The following CCDC102B variants were observed in gnomAD, a reference collection of about 807,000 sequenced individuals.
CCDC102B encodes the protein coiled-coil domain containing 102B, also known as coiled-coil domain-containing protein 102B.
A neutral mutation model predicts 57.4 loss-of-function variants in CCDC102B; 75 were observed. That is an observed-to-expected ratio of 1.31 (90% confidence interval 1.08 to 1.58). The LOEUF (loss-of-function observed/expected upper bound fraction) is 1.58. Ranked by LOEUF, CCDC102B falls within the 40% of genes most tolerant of loss-of-function variation. The probability of loss-of-function intolerance (pLI) is 0.00; values close to 1 mark genes in which losing one functional copy is unlikely to be tolerated. For missense variants in CCDC102B, 636 were observed against 582.6 expected (o/e 1.09, Z -0.94); for synonymous variants, 206 against 201.9 (o/e 1.02, Z -0.17).
chr18:68,966,371 A>G (rs2050166401), intron 6 of CCDC102B, among the ~76,000 whole-genome samples: 1 of 152,060 alleles, frequency 6.6e-6, no homozygotes, highest in African/African-American at 2.4e-5. Flanking sequence ...GGCAAGTTGT[A>G]TGGCACAGTA....
intron 1 of CCDC102B, among the ~76,000 whole-genome samples, chr18:68,813,268 C>T (rs1344819878): frequency 3.3e-5 from 5 of 152,062 alleles, no homozygotes; most frequent in Admixed American, 6.6e-5. Context: ...CATGATTGTA[C>T]GCTTCCTGAG....
intron 4 of CCDC102B, among the ~76,000 whole-genome samples, chr18:68,862,128 C>T (rs2038788589): frequency 1.3e-5 from 2 of 152,118 alleles, no homozygotes; most frequent in Admixed American, 1.3e-4. Flanking sequence ...GAAATATATG[C>T]TAGATAACTT....
chr18:68,878,464 T>C (rs1000351265), intron 5 of CCDC102B, among the ~76,000 whole-genome samples: 2 of 152,180 alleles, frequency 1.3e-5, no homozygotes, highest in African/African-American at 4.8e-5. Flanking sequence ...TGTGTGTGTG[T>C]TCCCCAAATT....
chr18:68,921,366 G>A (rs997463012), intron 6 of CCDC102B, among the ~76,000 whole-genome samples: 3 of 152,276 alleles, frequency 2.0e-5, no homozygotes, highest in African/African-American at 2.4e-5. Context: ...CTCTTTGCCT[G>A]ATTAACTGTA....
At chr18:69,056,767 G>A (rs964491521), downstream of CCDC102B, among the ~76,000 whole-genome samples, 1 of 151,902 alleles carries the variant, frequency 6.6e-6, no homozygotes, top group African/African-American at 2.4e-5. Flanking sequence ...TAATTGTGCT[G>A]AAAAACACAT....
chr18:68,846,457 C>T (rs1178656764), intron 4 of CCDC102B, 36 bp downstream of exon 4: 2 of 1,337,866 alleles, frequency 1.5e-6, no homozygotes, highest in Non-Finnish European at 2.1e-6. Context: ...AGAAATGAAG[C>T]CTAGCTTTTT....
chr18:69,027,134 C>T (rs2052014876), intron 7 of CCDC102B, among the ~76,000 whole-genome samples: 1 of 152,194 alleles, frequency 6.6e-6, no homozygotes, highest in Admixed American at 6.5e-5. Flanking sequence ...TGGTCGTTTT[C>T]CACAGATGTC....
intron 2 of CCDC102B, among the ~76,000 whole-genome samples, chr18:68,790,586 G>A (rs202113320): frequency 2.0e-5 from 3 of 152,122 alleles, no homozygotes; most frequent in Non-Finnish European, 4.4e-5. Flanking sequence ...GGAGTGACCC[G>A]ATTTTCCAGG....
intron 6 of CCDC102B, among the ~76,000 whole-genome samples, chr18:69,010,259 TATA>T (rs1188337739): frequency 2.0e-5 from 3 of 151,892 alleles, no homozygotes; most frequent in African/African-American, 7.2e-5. Flanking sequence ...AGACGTTTTC[TATA>T]ATGATAGTAC....
chr18:68,972,253 T>C (rs2050320643), intron 6 of CCDC102B, among the ~76,000 whole-genome samples: 1 of 152,148 alleles, frequency 6.6e-6, no homozygotes, highest in South Asian at 2.1e-4. Context: ...AGGAGAAAGT[T>C]GTCTGGTGGG....
At chr18:68,811,815 A>G (rs762238562) in intron 1 of CCDC102B, among the ~76,000 whole-genome samples, 3 of 152,308 alleles carry the variant, frequency 2.0e-5, no homozygotes, top group Admixed American at 1.3e-4. Flanking sequence ...AGAGGACTGC[A>G]GGTCGACTCT....
chr18:68,874,575 A>G, intron 4 of CCDC102B, 94 bp from the exon 5 acceptor site: 2 of 735,190 alleles, frequency 2.7e-6, no homozygotes, highest in South Asian at 3.7e-5. Context: ...AAAAAGGCAA[A>G]ACAACACTAA....
intron 6 of CCDC102B, among the ~76,000 whole-genome samples, chr18:68,987,686 G>A (rs1379849540): frequency 4.6e-5 from 7 of 151,682 alleles, no homozygotes; most frequent in African/African-American, 7.3e-5. Context: ...AATCTACAAC[G>A]AACTTAATAA....
chr18:68,846,502 G>A lies in CCDC102B; in HGVS notation c.936+81G>A, dbSNP rs572175581. 103 of 858,654 alleles carry A rather than the reference G, an allele frequency of 1.2e-4. No individual in the cohort carries two copies. In the African/African-American group the frequency reaches 1.8e-3, roughly 15 times the overall value. 53.2% of individuals were successfully genotyped at this position (858,654 alleles called of 1,614,324 possible). On this transcript the variant is annotated intron_variant, in intron 4 of 7. Coordinates refer to ENST00000360242, the MANE Select transcript of CCDC102B (RefSeq NM_024781.3). ...GATATGTAAGCATGTGGGCAGAAAG[G>A]CACAACAGATAAGAGGAAGGGAGGT...
intron 2 of CCDC102B, among the ~76,000 whole-genome samples, chr18:68,736,222 A>AC (rs1452186333): frequency 6.6e-6 from 1 of 152,224 alleles, no homozygotes; most frequent in Non-Finnish European, 1.5e-5. Context: ...GTATAAAACT[A>AC]CCCAGTGGAT....
chr18:68,737,229 A>G (rs572164529), intron 2 of CCDC102B, among the ~76,000 whole-genome samples: 37 of 152,138 alleles, frequency 2.4e-4, no homozygotes, highest in Non-Finnish European at 2.9e-4. Flanking sequence ...TATTCTTGAC[A>G]GTCCCTGGGG....
intron 2 of CCDC102B, chr18:68,718,064 T>A (rs528669221): frequency 6.6e-6 from 1 of 150,486 alleles, no homozygotes; most frequent in Non-Finnish European, 1.5e-5. Flanking sequence ...CCTTATCAGA[T>A]ACCACACCTG....
intron 7 of CCDC102B, among the ~76,000 whole-genome samples, chr18:69,039,444 A>G (rs2052375923): frequency 2.6e-5 from 4 of 151,936 alleles, no homozygotes; most frequent in Non-Finnish European, 4.4e-5. Flanking sequence ...TAGGTTACTT[A>G]CTAAAATAAA....
At chr18:68,733,238 A>G (rs890048656) in intron 2 of CCDC102B, among the ~76,000 whole-genome samples, 6 of 152,170 alleles carry the variant, frequency 3.9e-5, no homozygotes, top group Admixed American at 3.3e-4. Context: ...GGAGAATAAG[A>G]CTGCTGATTC....
Sources: allele counts gnomAD v4.1 joint callset (sites outside exome capture counted in the v4.1 genomes callset), GRCh38; gene constraint gnomAD v4.1.1; transcripts MANE v1.5; gene names NCBI Gene and HGNC (gene_info 2026-07-23, HGNC 2026-07-21).